CLVS1: variants seen among roughly 807,000 people sequenced by gnomAD.
CLVS1 encodes the protein clavesin 1, also known as clavesin-1.
Under a neutral mutation model 33.1 loss-of-function variants are expected in CLVS1, and 10 were observed. The observed-to-expected ratio is 0.30, with a 90% CI of 0.19 to 0.51. The LOEUF (loss-of-function observed/expected upper bound fraction) is 0.51. Ranked by LOEUF, CLVS1 falls within the 20% of genes least tolerant of loss-of-function variation. The pLI is 0.97. For synonymous variants in CLVS1, 163 were observed against 166.1 expected, an observed-to-expected ratio of 0.98 and a Z score of 0.14; for missense variants, 343 against 433.4, an observed-to-expected ratio of 0.79 and a Z score of 1.85.
chr8:60,997,613 T>C, the CLVS1 span, among the ~76,000 whole-genome samples: 2 of 152,168 alleles, frequency 1.3e-5, no homozygotes, highest in East Asian at 3.8e-4. Context: ...TGTCATGAAC[T>C]CTCCTATGTC....
intron 2 of CLVS1, among the ~76,000 whole-genome samples, chr8:61,181,178 T>G (rs1807221692): frequency 6.6e-6 from 1 of 152,186 alleles, no homozygotes; most frequent in Non-Finnish European, 1.5e-5. Context: ...CAAGTATTCC[T>G]ATACACCAAC....
chr8:61,379,509 C>T (rs1296783779), intron 3 of CLVS1, among the ~76,000 whole-genome samples: 1 of 152,128 alleles, frequency 6.6e-6, no homozygotes, highest in Non-Finnish European at 1.5e-5. Context: ...GTCAATCCTG[C>T]ACGTTGCATC....
chr8:61,253,757 G>A (rs1809003647), intron 2 of CLVS1, among the ~76,000 whole-genome samples: 1 of 152,168 alleles, frequency 6.6e-6, no homozygotes, highest in African/African-American at 2.4e-5. Context: ...CTTGTGCCAT[G>A]GTTTTCAGCT....
chr8:61,255,812 G>A (rs1317155255), intron 2 of CLVS1, among the ~76,000 whole-genome samples: 1 of 152,164 alleles, frequency 6.6e-6, no homozygotes, highest in Non-Finnish European at 1.5e-5. Flanking sequence ...AGGCCTTACT[G>A]AATGAGGAGA....
intron 2 of CLVS1, among the ~76,000 whole-genome samples, chr8:61,312,660 C>T (rs1299839316): frequency 6.6e-6 from 1 of 152,162 alleles, no homozygotes; most frequent in East Asian, 1.9e-4. Context: ...AATAATGCTC[C>T]CAGGCATTGA....
At chr8:61,214,202 C>T (rs1022362590) in intron 2 of CLVS1, among the ~76,000 whole-genome samples, 1 of 152,298 alleles carries the variant, frequency 6.6e-6, no homozygotes. Context: ...TCCTGTGGTC[C>T]TGTGATCTCG....
chr8:61,459,891 A>G (rs1445829682), intron 5 of CLVS1, among the ~76,000 whole-genome samples: 1 of 152,170 alleles, frequency 6.6e-6, no homozygotes. Flanking sequence ...GTTTCTCCTG[A>G]GGCCTCTCTC....
chr8:60,978,634 G>A, the CLVS1 span, among the ~76,000 whole-genome samples: 1 of 151,812 alleles, frequency 6.6e-6, no homozygotes, highest in Non-Finnish European at 1.5e-5. Context: ...GGCCAACATG[G>A]TGAAACCCCG....
intron 2 of CLVS1, among the ~76,000 whole-genome samples, chr8:61,217,801 A>G: frequency 6.6e-6 from 1 of 152,224 alleles, no homozygotes; most frequent in East Asian, 1.9e-4. Context: ...GAACTCAAAC[A>G]TCTCAACAGC....
chr8:61,186,448 CAA>C (rs79175149), intron 2 of CLVS1, among the ~76,000 whole-genome samples: 11,002 of 152,106 alleles, frequency 0.072, 571 homozygotes, highest in African/African-American at 0.13. Flanking sequence ...CAGGTGAGGC[CAA>C]GTGTCTCAGG....
chr8:61,002,327 GTTTT>G, the CLVS1 span, among the ~76,000 whole-genome samples: 3 of 98,816 alleles, frequency 3.0e-5, no homozygotes, highest in South Asian at 3.7e-4. Flanking sequence ...ATGCTTGCTT[GTTTT>G]TTTTTTTTTT....
chr8:61,287,829 C>CT (rs2129593545), upstream of CLVS1: 1 of 333,686 alleles, frequency 3.0e-6, no homozygotes, highest in Non-Finnish European at 5.9e-6. Flanking sequence ...GACGCTGGTA[C>CT]TTTTTGTCCC....
At chr8:61,357,010 G>A (rs998526037) in intron 2 of CLVS1, among the ~76,000 whole-genome samples, 6 of 152,102 alleles carry the variant, frequency 3.9e-5, no homozygotes, top group Non-Finnish European at 8.8e-5. Context: ...TGGGCAGTAT[G>A]GCCATTTTCA....
At chr8:61,222,985 A>G (rs1585702064) in intron 2 of CLVS1, among the ~76,000 whole-genome samples, 1 of 99,706 alleles carries the variant, frequency 1.0e-5, no homozygotes. Flanking sequence ...AGAGACTAGG[A>G]TTGCAAAAAA....
In CLVS1 at chr8:61,239,118, C is replaced by A. The variant is rs74716640; in HGVS notation, c.-151-60559C>A. Reference sequence around the variant, plus strand: ...TTTGTTTCAAAACAAAAAACTATACCTTTTTAAATAACTCCTTAAATAGCA... The same window carrying A: ...TTTGTTTCAAAACAAAAAACTATACATTTTTAAATAACTCCTTAAATAGCA... On this transcript the variant is annotated intron_variant, in intron 2 of 2. Coordinates refer to the CLVS1 transcript ENST00000522621. 3.7e-3 allele frequency among the ~76,000 whole-genome samples: 560 copies of A among 152,254 alleles called. 3 individuals are homozygous for A. The highest frequency in any genetic ancestry group is 0.013 in the African/African-American group (529 of 41,544).
intron 1 of CLVS1, among the ~76,000 whole-genome samples, chr8:61,077,262 C>CG (rs1157493688): frequency 3.3e-5 from 5 of 151,392 alleles, no homozygotes; most frequent in Non-Finnish European, 7.4e-5. Context: ...TTAGTAGAGA[C>CG]GGGTTTCACC....
intron 2 of CLVS1, among the ~76,000 whole-genome samples, chr8:61,187,688 T>C (rs1273720194): frequency 6.6e-6 from 1 of 151,956 alleles, no homozygotes; most frequent in Non-Finnish European, 1.5e-5. Context: ...GCTTGGTTGC[T>C]TGGACCAGCT....
chr8:61,238,860 G>A (rs1029565955), intron 2 of CLVS1, among the ~76,000 whole-genome samples: 1 of 152,088 alleles, frequency 6.6e-6, no homozygotes, highest in Non-Finnish European at 1.5e-5. Flanking sequence ...CATCAATCTT[G>A]GTCCATACCC....
At chr8:61,419,473 A>C (rs147143611) in intron 3 of CLVS1, among the ~76,000 whole-genome samples, 1 of 151,750 alleles carries the variant, frequency 6.6e-6, no homozygotes, top group Non-Finnish European at 1.5e-5. Context: ...AAAATGGGGA[A>C]TTTTTTCCAA....
Sources: allele counts gnomAD v4.1 joint callset (sites outside exome capture counted in the v4.1 genomes callset), GRCh38; gene constraint gnomAD v4.1.1; transcripts MANE v1.5; gene names NCBI Gene and HGNC (gene_info 2026-07-23, HGNC 2026-07-21).